NAALADL2: variants seen among roughly 807,000 people sequenced by gnomAD.
NAALADL2 encodes N-acetylated alpha-linked acidic dipeptidase like 2.
In NAALADL2, 76 loss-of-function variants were observed where a neutral mutation model predicts 87.2. The observed-to-expected ratio is 0.87, with a 90% confidence interval of 0.72 to 1.05. NAALADL2 has a LOEUF of 1.05. Among genes scored for constraint, NAALADL2 ranks in the 50% least tolerant of loss-of-function variants. The pLI, the probability that NAALADL2 is intolerant of heterozygous loss-of-function variation, is 0.00. For synonymous variants in NAALADL2, 354 were observed against 331.0 expected, an observed-to-expected ratio of 1.07 and a Z score of -0.75; for missense variants, 1,089 against 945.8, an observed-to-expected ratio of 1.15 and a Z score of -1.99.
At chr3:175,050,409 G>T (rs1235487030) in intron 1 of NAALADL2, among the ~76,000 whole-genome samples, 1 of 152,086 alleles carries the variant, frequency 6.6e-6, no homozygotes, top group Non-Finnish European at 1.5e-5. Context: ...TCACAGGGAC[G>T]CACCACCACG....
intron 4 of NAALADL2, among the ~76,000 whole-genome samples, chr3:175,276,780 A>G (rs563031512): frequency 6.6e-6 from 1 of 152,170 alleles, no homozygotes; most frequent in South Asian, 2.1e-4. Context: ...TATTTTTTAA[A>G]TTTTCTTCAA....
At chr3:175,324,071 ACT>A in intron 4 of NAALADL2, 102 bp from the exon 5 acceptor site, 3 of 835,918 alleles carry the variant, frequency 3.6e-6, no homozygotes, top group South Asian at 4.0e-5. Flanking sequence ...AGAAAAAAAA[ACT>A]GGAAAAAGAG....
At chr3:175,194,949 C>A (rs913177202) in intron 2 of NAALADL2, among the ~76,000 whole-genome samples, 1 of 151,586 alleles carries the variant, frequency 6.6e-6, no homozygotes, top group South Asian at 2.1e-4. Context: ...TTAAATTTGG[C>A]TGGAGTCACC....
Position 175,414,142 on chromosome 3 carries a change from T to C in NAALADL2, c.1091-33087T>C, listed in dbSNP as rs150290506. 3.7e-4 allele frequency among the ~76,000 whole-genome samples: 56 copies of C among 152,328 alleles called. No individual in the cohort carries two copies. The East Asian group carries it at 0.01, about 28-fold the overall frequency. On this transcript the variant is annotated intron_variant, in intron 5 of 13. Transcript: ENST00000454872. ...TTACGGTAGCCTAATAACTTGTGTT[T>C]GCTTTGTGGGAAAGACACGGGAACA... is the stretch of plus-strand genomic sequence containing the variant.
chr3:175,754,735 T>A (rs1747038066), intron 12 of NAALADL2, among the ~76,000 whole-genome samples: 1 of 152,202 alleles, frequency 6.6e-6, no homozygotes, highest in Non-Finnish European at 1.5e-5. Flanking sequence ...AATTCTGTCC[T>A]GTTATTTACT....
chr3:174,953,604 A>T (rs1217059599), intron 1 of NAALADL2, among the ~76,000 whole-genome samples: 4 of 151,850 alleles, frequency 2.6e-5, no homozygotes, highest in African/African-American at 9.7e-5. Context: ...GAGTGGGAGG[A>T]TGCAGCCATG....
chr3:174,690,501 A>G (rs1235509332), intron 2 of NAALADL2, among the ~76,000 whole-genome samples: 4 of 152,162 alleles, frequency 2.6e-5, no homozygotes, highest in Admixed American at 1.3e-4. Flanking sequence ...CTCTGCTGTC[A>G]GCTGATATGT....
At chr3:174,641,566 C>T (rs192092747) in intron 2 of NAALADL2, among the ~76,000 whole-genome samples, 13 of 152,194 alleles carry the variant, frequency 8.5e-5, no homozygotes, top group Admixed American at 3.9e-4. Context: ...GGTGGAGTGA[C>T]GCTGGGAATT....
At chr3:174,444,731 A>G (rs1307539113) in intron 1 of NAALADL2, among the ~76,000 whole-genome samples, 2 of 152,202 alleles carry the variant, frequency 1.3e-5, no homozygotes, top group Non-Finnish European at 2.9e-5. Context: ...AGTGTGATCA[A>G]ATGGAGAACA....
intron 1 of NAALADL2, among the ~76,000 whole-genome samples, chr3:174,471,081 C>T (rs538859065): frequency 2.0e-5 from 3 of 151,998 alleles, no homozygotes; most frequent in Admixed American, 2.0e-4. Context: ...TTCCCAAGTG[C>T]CCTCCAGCAG....
At chr3:175,767,907 T>G (rs186986418) in intron 13 of NAALADL2, among the ~76,000 whole-genome samples, 1 of 152,348 alleles carries the variant, frequency 6.6e-6, no homozygotes, top group East Asian at 1.9e-4. Flanking sequence ...GATTCGGTTC[T>G]ACTTCTGCCT....
chr3:175,391,830 C>T (rs532831415), intron 5 of NAALADL2, among the ~76,000 whole-genome samples: 2 of 152,120 alleles, frequency 1.3e-5, no homozygotes, highest in East Asian at 3.9e-4. Context: ...CCATGCTTTA[C>T]TGTGGATTAC....
At chr3:175,329,331 C>T (rs528820341) in intron 5 of NAALADL2, among the ~76,000 whole-genome samples, 2 of 152,230 alleles carry the variant, frequency 1.3e-5, no homozygotes, top group Non-Finnish European at 2.9e-5. Context: ...TTAATATTCC[C>T]AGTGTTACAA....
At chr3:174,769,323 T>C (rs1328212692) in intron 3 of NAALADL2, among the ~76,000 whole-genome samples, 1 of 152,032 alleles carries the variant, frequency 6.6e-6, no homozygotes, top group African/African-American at 2.4e-5. Flanking sequence ...TTTTTTCACC[T>C]GCGTGGTATG....
chr3:174,727,887 C>A (rs952306308), intron 2 of NAALADL2, among the ~76,000 whole-genome samples: 3 of 152,234 alleles, frequency 2.0e-5, no homozygotes, highest in South Asian at 2.1e-4. Context: ...TCCCTACTGT[C>A]CCCTAAACCC....
At chr3:175,190,964 A>G (rs1241428307) in intron 2 of NAALADL2, among the ~76,000 whole-genome samples, 1 of 145,480 alleles carries the variant, frequency 6.9e-6, no homozygotes, top group African/African-American at 2.5e-5. Flanking sequence ...GGCAACAGAC[A>G]GAGGGAGACT....
chr3:175,228,524 A>AC (rs1345871972), intron 2 of NAALADL2, among the ~76,000 whole-genome samples: 7 of 151,908 alleles, frequency 4.6e-5, no homozygotes, highest in Admixed American at 3.9e-4. Flanking sequence ...AAAAAAAAAA[A>AC]GTACTATGGC....
chr3:174,634,301 C>A (rs1722424007), intron 2 of NAALADL2, among the ~76,000 whole-genome samples: 1 of 152,068 alleles, frequency 6.6e-6, no homozygotes, highest in Non-Finnish European at 1.5e-5. Flanking sequence ...ATATATTAAG[C>A]TTCTACCTCC....
chr3:175,795,207 TTC>T (rs1753309214), intron 13 of NAALADL2, among the ~76,000 whole-genome samples: 1 of 152,236 alleles, frequency 6.6e-6, no homozygotes, highest in Non-Finnish European at 1.5e-5. Flanking sequence ...TGACTTTGGT[TTC>T]TGTTTTATGT....
Sources: gnomAD v4.1 joint callset for allele counts (sites outside exome capture counted in the v4.1 genomes callset) on GRCh38, gnomAD v4.1.1 for gene constraint, MANE v1.5 for transcripts, NCBI Gene and HGNC (gene_info 2026-07-23, HGNC 2026-07-21) for gene names.